The following ANKRD30A variants were observed in gnomAD, a reference collection of about 807,000 sequenced individuals.
The protein encoded by ANKRD30A is ankyrin repeat domain-containing protein 30A.
Under a neutral mutation model 166.3 loss-of-function variants are expected in ANKRD30A, and 170 were observed. The ratio of observed to expected loss-of-function variants is 1.02; its 90% CI spans 0.90 to 1.16. The LOEUF (loss-of-function observed/expected upper bound fraction) is 1.16, where lower values mean the gene tolerates loss of function less well. ANKRD30A is among the 50% of genes most tolerant of loss of function. The pLI is 0.00. For missense variants in ANKRD30A, 1,630 were observed against 1,518.0 expected, an observed-to-expected ratio of 1.07 and a Z score of -1.23; for synonymous variants, 564 against 508.9, an observed-to-expected ratio of 1.11 and a Z score of -1.46.
At chr10:37,139,752 A>G (rs769210459) in intron 6 of ANKRD30A, among the ~76,000 whole-genome samples, 7 of 152,334 alleles carry the variant, frequency 4.6e-5, no homozygotes, top group Admixed American at 1.3e-4. Flanking sequence ...TTGTAGAGAC[A>G]TGGTCTCCTT....
intron 27 of ANKRD30A, 60 bp from the exon 28 acceptor site, chr10:37,197,221 A>G: frequency 3.1e-6 from 5 of 1,599,692 alleles, no homozygotes; most frequent in Non-Finnish European, 3.4e-6. Context: ...CACGGCATTC[A>G]TTTGTGGCTG....
chr10:37,144,888 A>C, intron 7 of ANKRD30A, 107 bp from the exon 8 acceptor site: 1 of 789,876 alleles, frequency 1.3e-6, no homozygotes, highest in Non-Finnish European at 2.0e-6. Context: ...TATACAGGCT[A>C]TAGAAGTAAG....
intron 6 of ANKRD30A, among the ~76,000 whole-genome samples, chr10:37,139,214 G>T (rs1343899819): frequency 6.6e-6 from 1 of 152,188 alleles, no homozygotes; most frequent in East Asian, 1.9e-4. Flanking sequence ...ATTATAACCT[G>T]CAGGGGTCTG....
rs756221992 is a variant in ANKRD30A, at chr10:37,130,312, T to C, written c.444T>C (p.Tyr148=). The C allele has an allele frequency of 1.2e-6, 2 of 1,600,040 alleles. No individual in the cohort carries two copies. Among genetic ancestry groups the C allele is most frequent in the African/African-American group, 1.4e-5 (1 of 73,752 alleles). Residue 148 remains tyrosine (Y), a synonymous_variant, in exon 3 of 36, where the codon TAT becomes TAC. Coordinates refer to ENST00000361713, the MANE Select transcript of ANKRD30A (RefSeq NM_052997.3). ...ACACGGCTCTCCATTATGCTGTTTA[T>C]AGTGAGATTTTGTCAGTGGTGGCAA... is the stretch of plus-strand genomic sequence containing the variant. ...YGNTALHYAV[Y]SEILSVVAKL... is the part of the protein sequence containing the mutation.
chr10:37,197,111 A>G (rs1208113043), intron 27 of ANKRD30A, among the ~76,000 whole-genome samples, 170 bp from the exon 28 acceptor site: 1 of 152,052 alleles, frequency 6.6e-6, no homozygotes, highest in South Asian at 2.1e-4. Context: ...TCTTCAGTGT[A>G]TTCTTGTCGT....
chr10:37,232,446 T>G (rs1227613891), intron 35 of ANKRD30A, 53 bp from the exon 36 acceptor site: 2 of 150,782 alleles, frequency 1.3e-5, no homozygotes, highest in Non-Finnish European at 3.0e-5. Context: ...TGATATTGAG[T>G]CTTTTAATAG....
chr10:37,257,108 C>T, the ANKRD30A span, among the ~76,000 whole-genome samples: 1 of 151,944 alleles, frequency 6.6e-6, no homozygotes, highest in Non-Finnish European at 1.5e-5. Context: ...CAACTTCTTC[C>T]TGGTTTCATG....
chr10:37,203,323 G>C (rs1841775712), intron 31 of ANKRD30A, among the ~76,000 whole-genome samples: 1 of 152,140 alleles, frequency 6.6e-6, no homozygotes, highest in African/African-American at 2.4e-5. Context: ...ATGCAAGGCT[G>C]GTTCAAGATA....
chr10:37,160,933 A>G (rs1232727065), intron 15 of ANKRD30A, among the ~76,000 whole-genome samples: 1 of 152,170 alleles, frequency 6.6e-6, no homozygotes, highest in Non-Finnish European at 1.5e-5. Flanking sequence ...TAGAAAACAT[A>G]AACAAAAGAT....
chr10:37,264,990 C>T, the ANKRD30A span, among the ~76,000 whole-genome samples: 3 of 152,094 alleles, frequency 2.0e-5, no homozygotes, highest in African/African-American at 4.8e-5. Flanking sequence ...TTGAGTTGCT[C>T]ATAATCCAGT....
At chr10:37,210,231 T>A (rs894394892) in intron 31 of ANKRD30A, among the ~76,000 whole-genome samples, 14 of 152,236 alleles carry the variant, frequency 9.2e-5, no homozygotes, top group Non-Finnish European at 1.3e-4. Flanking sequence ...TCTGTTCTTG[T>A]GCTAGTTTGC....
chr10:37,179,024 A>T (rs1454762992), intron 24 of ANKRD30A, among the ~76,000 whole-genome samples: 2 of 21,616 alleles, frequency 9.3e-5, no homozygotes, highest in Non-Finnish European at 2.7e-4. Context: ...ATATATATAT[A>T]TATATATATA....
At position 37,219,673 on chromosome 10, in the gene ANKRD30A, C is replaced by A; in HGVS notation, c.3961C>A (p.Gln1321Lys). 6.2e-7 allele frequency: 1 copy of A among 1,609,392 alleles called. No individual in the cohort carries two copies. The highest frequency in any genetic ancestry group is 8.5e-7 in the Non-Finnish European group (1 of 1,177,224). ...KHTEQQESLDQKLFQLQSKNM... is the reference protein window; with the variant it reads ...KHTEQQESLDKKLFQLQSKNM... ...CACTGAACAGCAGGAGTCTCTAGATCAGAAATTATTTCAACTACAAAGCAA... is the reference window on the plus strand; with the variant it reads ...CACTGAACAGCAGGAGTCTCTAGATAAGAAATTATTTCAACTACAAAGCAA... Residue 1321 changes from glutamine (Q) to lysine (K), a missense_variant, in exon 34 of 36, where the codon CAG becomes AAG. Gln to Lys is a moderately conservative substitution (Grantham distance 53, BLOSUM62 1). This residue lies in a region of ANKRD30A where 712 missense variants were observed against 629.3 expected (regional missense o/e 1.13). Transcript: ENST00000361713.
At chr10:37,166,388 A>G (rs1472071714) in intron 18 of ANKRD30A, among the ~76,000 whole-genome samples, 3 of 152,168 alleles carry the variant, frequency 2.0e-5, no homozygotes, top group African/African-American at 7.2e-5. Flanking sequence ...CACCGAGTTA[A>G]TGGCCACGTG....
chr10:37,159,296 A>T (rs1335890701), intron 15 of ANKRD30A, among the ~76,000 whole-genome samples: 1 of 152,080 alleles, frequency 6.6e-6, no homozygotes, highest in Non-Finnish European at 1.5e-5. Flanking sequence ...GCGGGCAGAT[A>T]AGTTAAGGTC....
At chr10:37,173,076 A>ATT (rs1436390598) in intron 21 of ANKRD30A, among the ~76,000 whole-genome samples, 3 of 152,036 alleles carry the variant, frequency 2.0e-5, no homozygotes, top group Non-Finnish European at 4.4e-5. Context: ...ATATGTCAAT[A>ATT]TTGAAAGCTT....
chr10:37,225,526 A>T (rs1843106243), intron 34 of ANKRD30A, among the ~76,000 whole-genome samples: 1 of 151,828 alleles, frequency 6.6e-6, no homozygotes, highest in African/African-American at 2.4e-5. Flanking sequence ...CTAACACATG[A>T]AGTACTTTTT....
intron 6 of ANKRD30A, among the ~76,000 whole-genome samples, chr10:37,140,338 C>T (rs1384659681): frequency 6.6e-6 from 1 of 152,162 alleles, no homozygotes; most frequent in Admixed American, 6.5e-5. Flanking sequence ...AATTTGAAAA[C>T]TTAATAATGC....
At chr10:37,191,984 A>T (rs1272167499) in intron 25 of ANKRD30A, among the ~76,000 whole-genome samples, 1 of 152,032 alleles carries the variant, frequency 6.6e-6, no homozygotes, top group Non-Finnish European at 1.5e-5. Context: ...CAGGTGAATG[A>T]TATATAAAAA....
Sources: allele counts gnomAD v4.1 joint callset (sites outside exome capture counted in the v4.1 genomes callset), GRCh38; gene constraint gnomAD v4.1.1; regional missense constraint gnomAD v4.1.1; transcripts MANE v1.5; gene names NCBI Gene and HGNC (gene_info 2026-07-23, HGNC 2026-07-21).